The following ATL1 variants were observed in gnomAD, a reference collection of about 807,000 sequenced individuals.
ATL1 encodes the protein atlastin GTPase 1.
A neutral mutation model predicts 75.5 loss-of-function variants in ATL1; 31 were observed. The observed-to-expected ratio is 0.41, with a 90% CI of 0.31 to 0.55. The LOEUF (loss-of-function observed/expected upper bound fraction) is 0.55, where lower values mean the gene tolerates loss of function less well. ATL1 is among the 20% of genes least tolerant of loss of function. ATL1 has a pLI of 0.27. For missense variants in ATL1, 405 were observed against 662.6 expected (o/e 0.61, Z 4.27); for synonymous variants, 226 against 233.3 (o/e 0.97, Z 0.28).
At chr14:50,621,922 GT>G in intron 10 of ATL1, 23 bp downstream of exon 10, 1 of 1,521,306 alleles carries the variant, frequency 6.6e-7, no homozygotes, top group Non-Finnish European at 9.1e-7. Flanking sequence ...GAGGAGGCAT[GT>G]TTTAAGACAC....
intron 11 of ATL1, among the ~76,000 whole-genome samples, chr14:50,627,590 A>C (rs2039533915): frequency 6.6e-6 from 1 of 152,246 alleles, no homozygotes. Context: ...TTCACAGTTT[A>C]CTTTGAGAGC....
chr14:50,570,120 A>G (rs975199897), intron 1 of ATL1, among the ~76,000 whole-genome samples: 1 of 152,194 alleles, frequency 6.6e-6, no homozygotes, highest in Non-Finnish European at 1.5e-5. Context: ...TTATTCTACA[A>G]ATAATCTCTC....
intron 1 of ATL1, among the ~76,000 whole-genome samples, chr14:50,587,190 C>A (rs1033492940): frequency 6.6e-6 from 1 of 152,156 alleles, no homozygotes; most frequent in South Asian, 2.1e-4. Flanking sequence ...AAAGTGTGAA[C>A]TACAACCATT....
At chr14:50,614,124 G>A (rs2039392230) in intron 7 of ATL1, among the ~76,000 whole-genome samples, 1 of 152,176 alleles carries the variant, frequency 6.6e-6, no homozygotes, top group Admixed American at 6.5e-5. Context: ...TAAAAAATGG[G>A]AAGGTCCATG....
chr14:50,599,860 A>AT (rs2039255586), intron 6 of ATL1, among the ~76,000 whole-genome samples: 2 of 152,090 alleles, frequency 1.3e-5, no homozygotes, highest in Non-Finnish European at 2.9e-5. Context: ...GTATGCTGTG[A>AT]TGAAGGGGTA....
chr14:50,632,993 C>A lies in ATL1; in HGVS notation c.*654C>A, dbSNP rs2140243761. The A allele has an allele frequency of 6.6e-6, 1 of 152,102 alleles. No homozygotes were observed. Among genetic ancestry groups the A allele is most frequent in the East Asian group, 1.9e-4 (1 of 5,180 alleles). 9.4% of individuals were successfully genotyped at this position (152,102 alleles called of 1,614,324 possible). On this transcript the variant is annotated 3_prime_UTR_variant, in exon 14 of 14. Transcript: ENST00000358385. ...AGAATGTATTCTTCATAGGTTTATT[C>A]TTTTAATATGTGAACTATTATTAAA...
chr14:50,594,378 C>G (rs1329559851), intron 5 of ATL1, among the ~76,000 whole-genome samples: 1 of 152,040 alleles, frequency 6.6e-6, no homozygotes, highest in African/African-American at 2.4e-5. Context: ...GAGATTTGGG[C>G]GGGGACACAA....
intron 1 of ATL1, among the ~76,000 whole-genome samples, chr14:50,564,910 T>A (rs1288590218): frequency 6.6e-6 from 1 of 152,106 alleles, no homozygotes; most frequent in East Asian, 1.9e-4. Context: ...CTATATTCTA[T>A]TTTTCTTGAA....
At chr14:50,625,209 A>G (rs576451335) in intron 11 of ATL1, among the ~76,000 whole-genome samples, 12 of 152,362 alleles carry the variant, frequency 7.9e-5, no homozygotes, top group African/African-American at 2.9e-4. Flanking sequence ...CTTAAGCCAA[A>G]GCCTAATCCA....
intron 8 of ATL1, among the ~76,000 whole-genome samples, chr14:50,617,662 C>T (rs1366334328): frequency 1.3e-5 from 2 of 152,142 alleles, no homozygotes; most frequent in African/African-American, 4.8e-5. Flanking sequence ...TTGACCAAGC[C>T]CCTAAAGTCC....
At chr14:50,555,102 T>C (rs1337526298) in intron 1 of ATL1, among the ~76,000 whole-genome samples, 1 of 152,220 alleles carries the variant, frequency 6.6e-6, no homozygotes, top group African/African-American at 2.4e-5. Context: ...TTCTGGGTTG[T>C]ACCCTTAGAG....
Position 50,597,203 on chromosome 14 carries a change from T to A in ATL1, c.630+1571T>A, listed in dbSNP as rs1357892809. Among the ~76,000 whole-genome samples the A allele has an allele frequency of 7.9e-5, 4 of 50,514 alleles. No individual in the cohort carries two copies. The South Asian group carries it at 1.3e-3, about 16-fold the overall frequency. 33.1% of individuals were successfully genotyped at this position (50,514 alleles called of 152,430 possible). On this transcript the variant is annotated intron_variant, in intron 6 of 13. Coordinates refer to ENST00000358385, the MANE Select transcript of ATL1 (RefSeq NM_015915.5). ...TAGCCTGGGCGACAGAGCAAGACTC[T>A]GTCTCAAAAAAACAAACAAAAAAAA...
chr14:50,595,033 A>T (rs2039200831), intron 5 of ATL1, among the ~76,000 whole-genome samples: 1 of 151,946 alleles, frequency 6.6e-6, no homozygotes, highest in Non-Finnish European at 1.5e-5. Flanking sequence ...AAAAAAAAGA[A>T]AAAGAAAAAA....
intron 1 of ATL1, among the ~76,000 whole-genome samples, chr14:50,551,522 C>T: frequency 6.6e-6 from 1 of 152,110 alleles, no homozygotes; most frequent in East Asian, 1.9e-4. Flanking sequence ...CTAAATCATT[C>T]TTTGAAGGCA....
At chr14:50,585,924 T>A (rs186379645) in intron 1 of ATL1, among the ~76,000 whole-genome samples, 5 of 152,336 alleles carry the variant, frequency 3.3e-5, no homozygotes, top group Non-Finnish European at 7.3e-5. Context: ...ATGCTTTGTA[T>A]GATTGTTCAG....
intron 11 of ATL1, among the ~76,000 whole-genome samples, chr14:50,624,297 C>T (rs536261921): frequency 7.9e-5 from 12 of 152,154 alleles, no homozygotes; most frequent in Admixed American, 1.3e-4. Context: ...GCCCTTTCTC[C>T]AACAGCAAGT....
rs2039595915 is a variant in ATL1, at chr14:50,632,771, T to C, written c.*432T>C. ...CAGCATCATAACTCAGCAGGCTGGA[T>C]TTAATCTGTATCATCTTATATATAT... On this transcript the variant is annotated 3_prime_UTR_variant, in exon 14 of 14. Transcript: ENST00000358385. 5.3e-6 allele frequency: 1 copy of C among 190,106 alleles called. No individual in the cohort carries two copies. Among genetic ancestry groups the C allele is most frequent in the African/African-American group, 2.4e-5 (1 of 42,406 alleles). The allele number at this position is 190,106 out of a possible 1,614,324, so 11.8% of individuals were successfully genotyped here.
intron 12 of ATL1, among the ~76,000 whole-genome samples, chr14:50,629,617 T>C (rs1473704360): frequency 6.6e-6 from 1 of 151,338 alleles, no homozygotes; most frequent in Non-Finnish European, 1.5e-5. Context: ...TTATATATAC[T>C]TTATAACATA....
chr14:50,604,018 G>T (rs1009397579), intron 6 of ATL1, among the ~76,000 whole-genome samples: 2 of 152,114 alleles, frequency 1.3e-5, no homozygotes, highest in African/African-American at 4.8e-5. Flanking sequence ...GCAATTTATT[G>T]CATGCTTATT....
Sources: gnomAD v4.1 joint callset for allele counts (sites outside exome capture counted in the v4.1 genomes callset) on GRCh38, gnomAD v4.1.1 for gene constraint, MANE v1.5 for transcripts, NCBI Gene and HGNC (gene_info 2026-07-23, HGNC 2026-07-21) for gene names.